Variants in NCOR2 observed in about 807,000 individuals in gnomAD.
NCOR2 encodes the protein nuclear receptor corepressor 2.
In NCOR2, 81 loss-of-function variants were observed where a neutral mutation model predicts 262.9. That is an observed-to-expected ratio of 0.31 (90% CI 0.26 to 0.37). The LOEUF is 0.37. Ranked by LOEUF, NCOR2 falls within the 10% of genes least tolerant of loss-of-function variation. The probability of loss-of-function intolerance (pLI) is 1.00; values close to 1 mark genes in which losing one functional copy is unlikely to be tolerated. For synonymous variants in NCOR2, 1,659 were observed against 1,559.3 expected (o/e 1.06, Z -1.51); for missense variants, 3,385 against 3,621.4 (o/e 0.93, Z 1.68).
At chr12:124,551,569 G>A (rs748976029) in intron 1 of NCOR2, among the ~76,000 whole-genome samples, 8 of 152,140 alleles carry the variant, frequency 5.3e-5, no homozygotes, top group African/African-American at 1.2e-4. Flanking sequence ...GCTAAGGCTC[G>A]GCCGGCCTGG....
At chr12:124,435,542 C>A (rs866214320) in intron 8 of NCOR2, among the ~76,000 whole-genome samples, 1 of 152,198 alleles carries the variant, frequency 6.6e-6, no homozygotes, top group African/African-American at 2.4e-5. Context: ...CAACCAAGTT[C>A]GGGGCCAGAG....
chr12:124,360,427 G>A (rs34367701), intron 22 of NCOR2, among the ~76,000 whole-genome samples: 2,124 of 152,326 alleles, frequency 0.014, 34 homozygotes, highest in Non-Finnish European at 0.018. Context: ...AGCCTCTGTC[G>A]CCTGCCAAGA....
At chr12:124,550,652 C>A (rs2051686442) in intron 1 of NCOR2, among the ~76,000 whole-genome samples, 1 of 152,214 alleles carries the variant, frequency 6.6e-6, no homozygotes, top group Admixed American at 6.5e-5. Context: ...TTATAGAGAA[C>A]ACATTTGTTC....
In NCOR2 at chr12:124,334,937, TA is replaced by T. The variant is rs1317564273; in HGVS notation, c.6411+197del. The T allele has an allele frequency of 2.7e-5, 20 of 743,340 alleles. No homozygotes were observed. The East Asian group carries it at 4.1e-4, about 15-fold the overall frequency. 46.0% of individuals were successfully genotyped at this position (743,340 alleles called of 1,614,324 possible). ...CGCATCACAGGCTCCTCCCATGGAT[TA>T]GGGGGCGGTGATGGTGCCGGTGCTC... On this transcript the variant is annotated intron_variant, in intron 40 of 46. Coordinates refer to ENST00000405201, the Ensembl canonical transcript of NCOR2.
chr12:124,325,372 A>ACAC lies in NCOR2; in HGVS notation c.*27_*29dup, dbSNP rs1566340136. 7.0e-5 allele frequency: 34 copies of ACAC among 489,010 alleles called. 1 individual carries two copies. The highest frequency in any genetic ancestry group is 7.6e-4 in the Middle Eastern group (1 of 1,316). The allele number at this position is 489,010 out of a possible 1,614,324, so 30.3% of individuals were successfully genotyped here. On this transcript the variant is annotated 3_prime_UTR_variant, in exon 47 of 47. Coordinates refer to ENST00000405201, the Ensembl canonical transcript of NCOR2. Reference sequence around the variant, plus strand: ...CGTTCCTGTGGCTCGCTGGGACCTGACACCGCCCCCCCCCCCGCCCTGTTC... The same window carrying ACAC: ...CGTTCCTGTGGCTCGCTGGGACCTGACACCACCGCCCCCCCCCCCGCCCTGTTC...
intron 1 of NCOR2, among the ~76,000 whole-genome samples, chr12:124,516,988 G>C (rs1384813503): frequency 2.0e-5 from 3 of 152,150 alleles, no homozygotes; most frequent in Non-Finnish European, 4.4e-5. Context: ...GACAGTAAGT[G>C]ACTTGCCCAA....
intron 1 of NCOR2, among the ~76,000 whole-genome samples, chr12:124,562,633 G>T (rs1267082446): frequency 6.6e-6 from 1 of 152,182 alleles, no homozygotes; most frequent in Non-Finnish European, 1.5e-5. Flanking sequence ...AACCGTCAAG[G>T]GCAGAGGCAG....
intron 12 of NCOR2, among the ~76,000 whole-genome samples, chr12:124,421,915 T>C (rs1593464036): frequency 6.6e-6 from 1 of 152,248 alleles, no homozygotes; most frequent in African/African-American, 2.4e-5. Flanking sequence ...GCTCCGGGCC[T>C]GGGCTTGACA....
intron 8 of NCOR2, among the ~76,000 whole-genome samples, chr12:124,431,886 C>CAT (rs1300259567): frequency 6.6e-6 from 1 of 151,508 alleles, no homozygotes; most frequent in Non-Finnish European, 1.5e-5. Flanking sequence ...CACACACACA[C>CAT]ATATATACAC....
chr12:124,335,338 C>T, intron 39 of NCOR2, 58 bp from the exon 42 acceptor site: 1 of 1,508,708 alleles, frequency 6.6e-7, no homozygotes, highest in Non-Finnish European at 8.9e-7. Context: ...CTGCTGGGCC[C>T]AAATCCCAGC....
chr12:124,480,056 G>A (rs1368230479), intron 3 of NCOR2, among the ~76,000 whole-genome samples: 1 of 152,224 alleles, frequency 6.6e-6, no homozygotes, highest in East Asian at 1.9e-4. Flanking sequence ...AATGCCTCCT[G>A]CGTGCCAGCC....
intron 1 of NCOR2, among the ~76,000 whole-genome samples, chr12:124,509,159 A>AC (rs1246710166): frequency 9.5e-6 from 1 of 105,508 alleles, no homozygotes; most frequent in East Asian, 2.6e-4. Flanking sequence ...CTGGGCAACC[A>AC]CCCCCCCTGC....
chr12:124,472,832 A>G, intron 4 of NCOR2, 120 bp downstream of exon 6: 1 of 1,367,914 alleles, frequency 7.3e-7, no homozygotes, highest in Non-Finnish European at 1.0e-6. Flanking sequence ...TAAAGGGCAT[A>G]AAAACCAGTG....
At chr12:124,383,449 G>A in intron 17 of NCOR2, 1 of 738,358 alleles carries the variant, frequency 1.4e-6, no homozygotes. Context: ...ACACTCAACA[G>A]GGTGCCTTAA....
In NCOR2 at chr12:124,482,881, G is replaced by A. The variant is rs1279062754; in HGVS notation, c.411+715C>T. 6.6e-6 allele frequency among the ~76,000 whole-genome samples: 1 copy of A among 152,202 alleles called. No individual in the cohort carries two copies. On this transcript the variant is annotated intron_variant, in intron 3 of 46. Transcript: ENST00000405201. The surrounding 1 kb of genome is among the most constrained non-coding windows in gnomAD (Gnocchi z 6.3). ...CCAGTGCCACACGGTGGCCCAAGGA[G>A]CAGCCAGACTGGGCAGTAGAAGGCG...
At chr12:124,346,375 G>A (rs1488398910) in intron 31 of NCOR2, among the ~76,000 whole-genome samples, 189 bp downstream of exon 33, 3 of 152,196 alleles carry the variant, frequency 2.0e-5, no homozygotes, top group East Asian at 1.9e-4. Context: ...ATCAGGTCAG[G>A]AGCCTGGTGC....
intron 27 of NCOR2, among the ~76,000 whole-genome samples, chr12:124,352,576 C>T (rs77478210): frequency 6.6e-6 from 1 of 152,120 alleles, no homozygotes; most frequent in African/African-American, 2.4e-5. Context: ...CTCTTTTTGT[C>T]CAGGCTGGTC....
intron 44 of NCOR2, chr12:124,328,775 C>T (rs759968868): frequency 2.0e-5 from 4 of 200,382 alleles, no homozygotes; most frequent in South Asian, 1.6e-4. Context: ...TAAACCAAAC[C>T]GAGGCTTCCA....
intron 8 of NCOR2, among the ~76,000 whole-genome samples, chr12:124,436,943 G>C (rs892313307): frequency 6.6e-6 from 1 of 151,930 alleles, no homozygotes; most frequent in African/African-American, 2.4e-5. Context: ...AAAATTAGCC[G>C]GGCTTGGTGG....
Sources: gnomAD v4.1 joint callset for allele counts (sites outside exome capture counted in the v4.1 genomes callset) on GRCh38, gnomAD v4.1.1 for gene constraint, Gnocchi (gnomAD v3.1) non-coding constraint, MANE v1.5 for transcripts, NCBI Gene and HGNC (gene_info 2026-07-23, HGNC 2026-07-21) for gene names.